TM4SF20: variants seen among roughly 807,000 people sequenced by gnomAD.
TM4SF20 encodes the protein transmembrane 4 L six family member 20.
Under a neutral mutation model 15.1 loss-of-function variants are expected in TM4SF20, and 13 were observed. That is an observed-to-expected ratio of 0.86 (90% CI 0.56 to 1.36). TM4SF20 has a LOEUF of 1.36. Among genes scored for constraint, TM4SF20 ranks in the 40% most tolerant of loss-of-function variants. The pLI, the probability that TM4SF20 is intolerant of heterozygous loss-of-function variation, is 0.00. For missense variants in TM4SF20, 282 were observed against 268.4 expected (o/e 1.05, Z -0.35); for synonymous variants, 92 against 96.6 (o/e 0.95, Z 0.28).
At chr2:227,372,328 C>A (rs1468069963) in intron 1 of TM4SF20, among the ~76,000 whole-genome samples, 1 of 152,098 alleles carries the variant, frequency 6.6e-6, no homozygotes, top group African/African-American at 2.4e-5. Context: ...CTTCTACTTT[C>A]TTGGTAGAAG....
At chr2:227,378,177 A>G (rs2076461166) in intron 1 of TM4SF20, among the ~76,000 whole-genome samples, 1 of 152,154 alleles carries the variant, frequency 6.6e-6, no homozygotes, top group Non-Finnish European at 1.5e-5. Flanking sequence ...AGCCTCTTGG[A>G]TGCTGAATTA....
chr2:227,371,170 G>A (rs1027047510), intron 1 of TM4SF20, among the ~76,000 whole-genome samples, 190 bp from the exon 2 acceptor site: 3 of 152,174 alleles, frequency 2.0e-5, no homozygotes, highest in Admixed American at 1.3e-4. Flanking sequence ...TAAAAGTGGC[G>A]GCGGGAACAG....
At chr2:227,365,301 A>C (rs2076387394) in intron 3 of TM4SF20, among the ~76,000 whole-genome samples, 1 of 152,206 alleles carries the variant, frequency 6.6e-6, no homozygotes, top group Admixed American at 6.5e-5. Flanking sequence ...AAGGAGAAAA[A>C]ATTTTTTGTA....
At chr2:227,379,681 G>A (rs12052523), upstream of TM4SF20, among the ~76,000 whole-genome samples, 55,221 of 152,000 alleles carry the variant, frequency 0.36, 10,157 homozygotes, top group South Asian at 0.41. Context: ...AAATGAACAC[G>A]TATGAGATGT....
chr2:227,379,328 C>G (rs756781583), upstream of TM4SF20: 403 of 1,442,148 alleles, frequency 2.8e-4, no homozygotes, highest in Non-Finnish European at 3.6e-4. Flanking sequence ...ACTATGTTGC[C>G]TTTTATCCCA....
chr2:227,364,245 G>C (rs1407781316), intron 3 of TM4SF20, among the ~76,000 whole-genome samples: 1 of 152,106 alleles, frequency 6.6e-6, no homozygotes, highest in Non-Finnish European at 1.5e-5. Context: ...TCTTCTCTTA[G>C]GTTGAACGGT....
chr2:227,366,228 A>C lies in TM4SF20; in HGVS notation c.266T>G (p.Leu89Arg). 1 of 1,608,128 alleles carries C rather than the reference A, an allele frequency of 6.2e-7. No individual in the cohort carries two copies. The highest frequency in any genetic ancestry group is 1.1e-5 in the South Asian group (1 of 89,638). The change falls in exon 3 of 4, where the codon CTT becomes CGT. Residue 89 changes from leucine (L) to arginine (R), a missense_variant. Transcript: ENST00000304568. Reference sequence around the variant, plus strand: ...ACCAATGACTGTGATCACACTGAAAAGTGATGAAAGAAACATCTGAAAAAT... The same window carrying C: ...ACCAATGACTGTGATCACACTGAAACGTGATGAAAGAAACATCTGAAAAAT... Reference protein sequence around the residue: ...NNRTGMFLSSLFSVITVIGAL... With the variant: ...NNRTGMFLSSRFSVITVIGAL...
intron 1 of TM4SF20, among the ~76,000 whole-genome samples, chr2:227,371,188 C>T (rs1472923695): frequency 3.3e-5 from 5 of 152,204 alleles, no homozygotes; most frequent in Non-Finnish European, 2.9e-5. Flanking sequence ...CAGGGGAATT[C>T]AAGACAGGAG....
intron 1 of TM4SF20, among the ~76,000 whole-genome samples, chr2:227,371,642 T>C (rs1212455847): frequency 6.6e-6 from 1 of 152,154 alleles, no homozygotes. Flanking sequence ...TTCCCAGAAA[T>C]TGTATGGATT....
At chr2:227,365,259 A>G (rs530134772) in intron 3 of TM4SF20, among the ~76,000 whole-genome samples, 26 of 152,322 alleles carry the variant, frequency 1.7e-4, no homozygotes, top group Non-Finnish European at 3.4e-4. Flanking sequence ...AATTTGAGGG[A>G]CTTTCTTTTT....
intron 2 of TM4SF20, among the ~76,000 whole-genome samples, chr2:227,369,966 G>C (rs903668706): frequency 6.6e-6 from 1 of 152,090 alleles, no homozygotes; most frequent in East Asian, 1.9e-4. Flanking sequence ...CCATTCCTTC[G>C]TCAATCAAAC....
upstream of TM4SF20, among the ~76,000 whole-genome samples, chr2:227,381,224 C>A (rs1206792278): frequency 6.6e-6 from 1 of 151,874 alleles, no homozygotes; most frequent in Admixed American, 6.6e-5. Flanking sequence ...TTGCAGTGAG[C>A]CAAGATCACA....
chr2:227,374,161 T>C (rs773393426), intron 1 of TM4SF20, among the ~76,000 whole-genome samples: 6 of 151,992 alleles, frequency 3.9e-5, no homozygotes, highest in Non-Finnish European at 7.4e-5. Context: ...ATTTTCCTTG[T>C]TGATGCAAAC....
upstream of TM4SF20, among the ~76,000 whole-genome samples, chr2:227,380,098 G>T (rs34562252): frequency 0.071 from 10,831 of 152,262 alleles, 511 homozygotes; most frequent in Admixed American, 0.12. Context: ...GGAGGCCAAA[G>T]CGAGAGGATC....
upstream of TM4SF20, among the ~76,000 whole-genome samples, chr2:227,379,634 C>T (rs1448231217): frequency 6.6e-6 from 1 of 152,138 alleles, no homozygotes; most frequent in East Asian, 1.9e-4. Flanking sequence ...TTATTACCAG[C>T]TATGGAAGTT....
chr2:227,379,228 C>A lies in TM4SF20; in HGVS notation c.41G>T (p.Ser14Ile). The A allele has an allele frequency of 6.2e-7, 1 of 1,614,214 alleles. No homozygotes were observed. ...CEGWTSCNGF[S>I]LLVLLLLGVV... Reference sequence around the variant, plus strand: ...TCCTAACAGCAGTAGAACCAGCAGGCTGAATCCATTGCAGGATGTCCATCC... The same window carrying A: ...TCCTAACAGCAGTAGAACCAGCAGGATGAATCCATTGCAGGATGTCCATCC... The change falls in exon 1 of 4, where the codon AGC becomes ATC. Residue 14 changes from serine to isoleucine, a missense_variant. Physicochemically the swap from Ser to Ile is moderately radical, Grantham distance 142. Coordinates refer to ENST00000304568, the MANE Select transcript of TM4SF20 (RefSeq NM_024795.4).
chr2:227,380,167 C>T (rs7578003), upstream of TM4SF20, among the ~76,000 whole-genome samples: 98,552 of 151,700 alleles, frequency 0.65, 32,159 homozygotes, highest in Non-Finnish European at 0.68. Flanking sequence ...TCATCTGTAC[C>T]AAAAAAACAA....
At chr2:227,374,456 T>G (rs1313275433) in intron 1 of TM4SF20, among the ~76,000 whole-genome samples, 3 of 149,166 alleles carry the variant, frequency 2.0e-5, no homozygotes, top group Non-Finnish European at 3.0e-5. Flanking sequence ...TGTGTGTGTA[T>G]GAATTATATA....
At chr2:227,378,891 A>T (rs1405572938) in intron 1 of TM4SF20, among the ~76,000 whole-genome samples, 195 bp downstream of exon 1, 2 of 152,208 alleles carry the variant, frequency 1.3e-5, no homozygotes, top group African/African-American at 2.4e-5. Flanking sequence ...CCAGCTCTCT[A>T]TCCTATACCA....
Sources: gnomAD v4.1 joint callset for allele counts (sites outside exome capture counted in the v4.1 genomes callset) on GRCh38, gnomAD v4.1.1 for gene constraint, MANE v1.5 for transcripts, NCBI Gene and HGNC (gene_info 2026-07-23, HGNC 2026-07-21) for gene names.